CSMD1: variants seen among roughly 807,000 people sequenced by gnomAD.
The protein encoded by CSMD1 is CUB and sushi domain-containing protein 1.
Under a neutral mutation model 417.5 loss-of-function variants are expected in CSMD1, and 213 were observed. The ratio of observed to expected loss-of-function variants is 0.51; its 90% CI spans 0.46 to 0.57. The LOEUF is 0.57. CSMD1 is among the 20% of genes least tolerant of loss of function. The probability of loss-of-function intolerance (pLI) is 0.00; values close to 1 mark genes in which losing one functional copy is unlikely to be tolerated. For synonymous variants in CSMD1, 2,862 were observed against 1,736.8 expected (o/e 1.65, Z -16.11); for missense variants, 6,923 against 4,529.7 (o/e 1.53, Z -15.17).
intron 10 of CSMD1, among the ~76,000 whole-genome samples, chr8:3,515,619 T>A (rs2117421857): frequency 6.6e-6 from 1 of 152,342 alleles, no homozygotes. Context: ...CTGTGGCACG[T>A]GTACTTGGCA....
chr8:3,622,430 C>G (rs1029810628), intron 7 of CSMD1, among the ~76,000 whole-genome samples: 1 of 152,174 alleles, frequency 6.6e-6, no homozygotes, highest in African/African-American at 2.4e-5. Flanking sequence ...TACAAAGGCC[C>G]ACTTGCATGT....
chr8:4,186,918 C>G (rs921764573), intron 3 of CSMD1, among the ~76,000 whole-genome samples: 2 of 151,920 alleles, frequency 1.3e-5, no homozygotes, highest in African/African-American at 4.8e-5. Flanking sequence ...ATCACCTGAA[C>G]CCACGAGGCA....
At chr8:4,513,340 A>G (rs1278320206) in intron 2 of CSMD1, among the ~76,000 whole-genome samples, 1 of 152,200 alleles carries the variant, frequency 6.6e-6, no homozygotes, top group African/African-American at 2.4e-5. Context: ...TAAAACATAA[A>G]GCAGCAAACA....
At chr8:4,760,856 G>C (rs143806956) in intron 1 of CSMD1, among the ~76,000 whole-genome samples, 10 of 152,292 alleles carry the variant, frequency 6.6e-5, no homozygotes, top group African/African-American at 2.2e-4. Flanking sequence ...CATAATGCCT[G>C]TAATATACAA....
chr8:3,462,131 C>T (rs954656839), intron 12 of CSMD1, among the ~76,000 whole-genome samples: 48 of 151,976 alleles, frequency 3.2e-4, no homozygotes, highest in Admixed American at 5.3e-4. Flanking sequence ...GGCCCCCCCC[C>T]CCACCTCCCA....
At chr8:3,779,149 TTGTGTG>T (rs56294437) in intron 5 of CSMD1, among the ~76,000 whole-genome samples, 2,356 of 147,494 alleles carry the variant, frequency 0.016, 21 homozygotes, top group African/African-American at 0.027. Context: ...GCGTGCATAC[TTGTGTG>T]TGTGTGTGTG....
chr8:4,291,645 A>G (rs1332414489), intron 3 of CSMD1, among the ~76,000 whole-genome samples: 4 of 152,190 alleles, frequency 2.6e-5, no homozygotes, highest in African/African-American at 9.7e-5. Context: ...TATAGCCGCA[A>G]TATGGAGAAC....
At position 3,203,029 on chromosome 8, in the gene CSMD1, C is replaced by G. The variant is rs1797072044; in HGVS notation, c.4985-1304G>C. On this transcript the variant is annotated intron_variant, in intron 31 of 69. Transcript: ENST00000635120. ...CTCCCCAAGTTCATTAGATTTTTAT[C>G]ATACTGGAGGCCCAAAACTTGGGTC... Among the ~76,000 whole-genome samples, 7 of 152,112 alleles carry G rather than the reference C, an allele frequency of 4.6e-5. No individual in the cohort carries two copies. In the South Asian group the frequency reaches 1.5e-3, roughly 32 times the overall value.
At chr8:3,075,758 T>C (rs902679796) in intron 49 of CSMD1, among the ~76,000 whole-genome samples, 8 of 151,872 alleles carry the variant, frequency 5.3e-5, no homozygotes, top group South Asian at 2.1e-4. Context: ...AAGAAATACA[T>C]TGGCTGGGCG....
At chr8:3,278,777 A>G (rs1439070649) in intron 26 of CSMD1, 1 of 152,048 alleles carries the variant, frequency 6.6e-6, no homozygotes, top group Non-Finnish European at 1.5e-5. Flanking sequence ...GCTGTTTTGC[A>G]CTTTGTGAAG....
At chr8:4,394,207 C>G (rs1201115944) in intron 3 of CSMD1, among the ~76,000 whole-genome samples, 1 of 152,038 alleles carries the variant, frequency 6.6e-6, no homozygotes, top group African/African-American at 2.4e-5. Context: ...GAGACAAGTG[C>G]CTAGGTCTTA....
intron 1 of CSMD1, among the ~76,000 whole-genome samples, chr8:4,717,437 C>CTA (rs1446194667): frequency 1.3e-5 from 2 of 150,210 alleles, no homozygotes; most frequent in Admixed American, 6.6e-5. Context: ...TACACATACA[C>CTA]TATATATATA....
chr8:4,962,404 T>C (rs1244639418), intron 1 of CSMD1, among the ~76,000 whole-genome samples: 1 of 151,828 alleles, frequency 6.6e-6, no homozygotes. Context: ...AGAGACAGGG[T>C]CTTTCTATGT....
intron 2 of CSMD1, among the ~76,000 whole-genome samples, chr8:4,539,488 C>A (rs1797274793): frequency 6.6e-6 from 1 of 152,160 alleles, no homozygotes. Flanking sequence ...AAGCAAATAT[C>A]TTTCCCCCAA....
intron 55 of CSMD1, among the ~76,000 whole-genome samples, chr8:2,975,568 T>A (rs1172612404): frequency 6.6e-6 from 1 of 152,212 alleles, no homozygotes; most frequent in Non-Finnish European, 1.5e-5. Flanking sequence ...CTGTCTTACA[T>A]GGACATTGAT....
At chr8:3,976,411 C>T (rs1179077920) in intron 5 of CSMD1, among the ~76,000 whole-genome samples, 1 of 152,160 alleles carries the variant, frequency 6.6e-6, no homozygotes, top group Admixed American at 6.5e-5. Flanking sequence ...CTTCTACTAG[C>T]ATGAGCTTCA....
chr8:4,014,153 A>G (rs746264044), intron 4 of CSMD1, among the ~76,000 whole-genome samples: 1 of 152,216 alleles, frequency 6.6e-6, no homozygotes, highest in Non-Finnish European at 1.5e-5. Context: ...AATTGTGGTG[A>G]ACTGTCATAA....
At chr8:4,165,535 G>A (rs371494322) in intron 3 of CSMD1, among the ~76,000 whole-genome samples, 85 of 152,242 alleles carry the variant, frequency 5.6e-4, no homozygotes, top group African/African-American at 1.9e-3. Context: ...TGCCAAGTAG[G>A]TGGGACCTCC....
rs1812840250 is a variant in CSMD1 at position 3,412,113 on chromosome 8, T to TATATACACACGTATATATACATATATAC, written c.1562-2536_1562-2509dup. 2.4e-5 allele frequency among the ~76,000 whole-genome samples: 3 copies of TATATACACACGTATATATACATATATAC among 125,544 alleles called. 1 individual carries two copies. Among genetic ancestry groups the TATATACACACGTATATATACATATATAC allele is most frequent in the South Asian group, 5.1e-4 (2 of 3,950 alleles). The allele number at this position is 125,544 out of a possible 152,430, so 82.4% of individuals were successfully genotyped here. A position where few individuals can be genotyped will look rare whatever the true frequency, so the allele number is the denominator to read the frequency against. The stretch of plus-strand genomic sequence containing the variant: ...ACACACGTATATATACATATATACA[T>TATATACACACGTATATATACATATATAC]ATATACACACGTATATATACATATA... On this transcript the variant is annotated intron_variant, in intron 12 of 69. Coordinates refer to ENST00000635120, the MANE Select transcript of CSMD1 (RefSeq NM_033225.6).
Sources: allele counts gnomAD v4.1 joint callset (sites outside exome capture counted in the v4.1 genomes callset), GRCh38; gene constraint gnomAD v4.1.1; transcripts MANE v1.5; gene names NCBI Gene and HGNC (gene_info 2026-07-23, HGNC 2026-07-21).